Variants in DLGAP4 observed in about 807,000 individuals in gnomAD.
DLGAP4 encodes DLG associated protein 4.
A neutral mutation model predicts 86.9 loss-of-function variants in DLGAP4; 18 were observed. The ratio of observed to expected loss-of-function variants is 0.21; its 90% confidence interval spans 0.14 to 0.31. DLGAP4 has a LOEUF of 0.31. Among genes scored for constraint, DLGAP4 ranks in the 10% least tolerant of loss-of-function variants. The pLI, the probability that DLGAP4 is intolerant of heterozygous loss-of-function variation, is 1.00. For synonymous variants in DLGAP4, 548 were observed against 574.3 expected (o/e 0.95, Z 0.65); for missense variants, 1,085 against 1,362.6 (o/e 0.80, Z 3.21).
chr20:36,422,685 T>C (rs1161512167), intron 2 of DLGAP4, among the ~76,000 whole-genome samples: 1 of 151,960 alleles, frequency 6.6e-6, no homozygotes, highest in Non-Finnish European at 1.5e-5. Context: ...GGCACCACGA[T>C]GAGATGAGGT....
chr20:36,435,015 G>A (rs1056568213), intron 3 of DLGAP4, among the ~76,000 whole-genome samples: 2 of 151,970 alleles, frequency 1.3e-5, no homozygotes, highest in Non-Finnish European at 1.5e-5. Flanking sequence ...AGTTGCTGGC[G>A]CGAATGTCCA....
chr20:36,488,173 C>G (rs2035500511), intron 7 of DLGAP4, among the ~76,000 whole-genome samples: 1 of 149,584 alleles, frequency 6.7e-6, no homozygotes, highest in African/African-American at 2.5e-5. Flanking sequence ...GCACTCCAGC[C>G]TGGGCAACAG....
At chr20:36,387,016 T>A (rs530371567) in intron 2 of DLGAP4, among the ~76,000 whole-genome samples, 1 of 152,228 alleles carries the variant, frequency 6.6e-6, no homozygotes, top group Non-Finnish European at 1.5e-5. Flanking sequence ...ATTTCAGTGG[T>A]TCTGGTTCTC....
intron 1 of DLGAP4, among the ~76,000 whole-genome samples, chr20:36,336,146 A>G (rs1470392211): frequency 6.6e-6 from 1 of 151,984 alleles, no homozygotes; most frequent in African/African-American, 2.4e-5. Context: ...AACTTCCTCC[A>G]TTTCCATCCT....
chr20:36,351,339 A>T (rs1432194017), intron 1 of DLGAP4, among the ~76,000 whole-genome samples: 1 of 152,168 alleles, frequency 6.6e-6, no homozygotes, highest in African/African-American at 2.4e-5. Flanking sequence ...GCAGGAAGTG[A>T]GTGGCGGGCC....
rs74418648 is a variant in DLGAP4, at chr20:36,439,883, G to C, written c.1356+15G>C. ...GCATCAGCCAGGTGAGGGTGGCAGG[G>C]AGGCTGGAGAGTCAGGGGGCTTGGG... On this transcript the variant is annotated intron_variant, in intron 5 of 12. Transcript: ENST00000339266. The C allele has an allele frequency of 6.5e-3, 10,514 of 1,605,942 alleles. 591 individuals carry two copies. In the African/African-American group the frequency reaches 0.12, roughly 18 times the overall value.
At chr20:36,352,301 G>A (rs1555893523) in intron 1 of DLGAP4, among the ~76,000 whole-genome samples, 1 of 152,146 alleles carries the variant, frequency 6.6e-6, no homozygotes, top group South Asian at 2.1e-4. Context: ...AGTGAGATGG[G>A]AGCCACTGAG....
intron 1 of DLGAP4, among the ~76,000 whole-genome samples, chr20:36,330,459 C>A (rs2065256139): frequency 6.6e-6 from 1 of 152,076 alleles, no homozygotes; most frequent in Admixed American, 6.6e-5. Flanking sequence ...GACCTCAGCT[C>A]AGTGCCTTCA....
At chr20:36,397,337 C>A (rs2032029307) in intron 2 of DLGAP4, among the ~76,000 whole-genome samples, 1 of 152,152 alleles carries the variant, frequency 6.6e-6, no homozygotes, top group African/African-American at 2.4e-5. Flanking sequence ...AGCGAGAAAC[C>A]AAAGCTATTC....
At chr20:36,462,318 C>T (rs2034123502) in intron 7 of DLGAP4, 1 of 1,349,118 alleles carries the variant, frequency 7.4e-7, no homozygotes, top group Non-Finnish European at 9.4e-7. Flanking sequence ...ACCCCCACTT[C>T]TCGGGATCGG....
intron 7 of DLGAP4, chr20:36,462,117 A>G (rs1600568748): frequency 3.0e-5 from 30 of 1,002,238 alleles, no homozygotes; most frequent in Non-Finnish European, 3.3e-5. Context: ...CTGAACCCCC[A>G]TTGCCCCTGG....
At chr20:36,347,234 G>A (rs1000410553) in intron 1 of DLGAP4, among the ~76,000 whole-genome samples, 2 of 152,206 alleles carry the variant, frequency 1.3e-5, no homozygotes, top group Non-Finnish European at 2.9e-5. Flanking sequence ...GGGTCATTCA[G>A]AAGAGTGCTG....
intron 7 of DLGAP4, among the ~76,000 whole-genome samples, chr20:36,450,457 T>C (rs1347119974): frequency 1.3e-5 from 2 of 151,904 alleles, no homozygotes; most frequent in Non-Finnish European, 2.9e-5. Flanking sequence ...AACATCACAC[T>C]ATTGCACTCC....
intron 1 of DLGAP4, among the ~76,000 whole-genome samples, chr20:36,327,827 G>A (rs1161944067): frequency 2.0e-5 from 3 of 146,910 alleles, no homozygotes; most frequent in Non-Finnish European, 4.5e-5. Context: ...TCCTGACCTC[G>A]TGATCCGCCC....
chr20:36,526,166 G>A (rs2147876102), intron 12 of DLGAP4, 160 bp downstream of exon 12: 1 of 1,040,336 alleles, frequency 9.6e-7, no homozygotes, highest in East Asian at 2.5e-5. Context: ...CTTGGCACTT[G>A]TCTGGCATGC....
chr20:36,464,145 G>T (rs776284491), intron 7 of DLGAP4, among the ~76,000 whole-genome samples: 1 of 152,192 alleles, frequency 6.6e-6, no homozygotes, highest in Non-Finnish European at 1.5e-5. Flanking sequence ...GAGGGGTGCA[G>T]GATCCCAGTT....
chr20:36,490,685 A>G (rs900514324), intron 7 of DLGAP4, among the ~76,000 whole-genome samples: 1 of 152,140 alleles, frequency 6.6e-6, no homozygotes, highest in Admixed American at 6.5e-5. Flanking sequence ...TGAGGAGTGT[A>G]GACCGCCTCT....
Position 36,412,882 on chromosome 20 carries a change from T to A in DLGAP4, c.-72-18764T>A, listed in dbSNP as rs189140096. On this transcript the variant is annotated intron_variant, in intron 2 of 12. Coordinates refer to ENST00000339266, the MANE Select transcript of DLGAP4 (RefSeq NM_001365621.2). The stretch of plus-strand genomic sequence containing the variant: ...AAACTGAGGTAGAATACATATAAAA[T>A]TGGCCATTTAAACCATTTTAGAGTT... Among the ~76,000 whole-genome samples the A allele has an allele frequency of 4.6e-3, 693 of 152,210 alleles. 7 individuals are homozygous for A. Among genetic ancestry groups the A allele is most frequent in the African/African-American group, 0.015 (642 of 41,536 alleles).
chr20:36,403,081 C>T (rs1029975922), intron 2 of DLGAP4, among the ~76,000 whole-genome samples: 2 of 152,162 alleles, frequency 1.3e-5, no homozygotes, highest in Non-Finnish European at 2.9e-5. Flanking sequence ...ACAGCCAGAG[C>T]GGATATGTCT....
Sources: allele counts gnomAD v4.1 joint callset (sites outside exome capture counted in the v4.1 genomes callset), GRCh38; gene constraint gnomAD v4.1.1; transcripts MANE v1.5; gene names NCBI Gene and HGNC (gene_info 2026-07-23, HGNC 2026-07-21).